TARBP2: variants seen among roughly 807,000 people sequenced by gnomAD.
TARBP2 encodes RISC-loading complex subunit TARBP2.
TARBP2 carries 23 observed loss-of-function variants against 40.4 expected under a neutral mutation model. That is an observed-to-expected ratio of 0.57 (90% CI 0.41 to 0.81). TARBP2 has a LOEUF of 0.81. TARBP2 is among the 30% of genes least tolerant of loss of function. The probability of loss-of-function intolerance (pLI) is 0.00; values close to 1 mark genes in which losing one functional copy is unlikely to be tolerated. For synonymous variants in TARBP2, 183 were observed against 190.5 expected, an observed-to-expected ratio of 0.96 and a Z score of 0.32; for missense variants, 358 against 473.7, an observed-to-expected ratio of 0.76 and a Z score of 2.27.
chr12:53,505,570 C>T lies in TARBP2; in HGVS notation c.742-79C>T. ...GAGGAAGCATTCTTTGTGCTTTGTT[C>T]TCCTTTGACGTTGAATGTCTCAATG... On this transcript the variant is annotated intron_variant, in intron 7 of 8. Transcript: ENST00000266987. This position sits in a 1 kb window ranked among gnomAD's most constrained non-coding sequence, Gnocchi z 4.5. The T allele has an allele frequency of 1.4e-6, 2 of 1,411,994 alleles. No individual in the cohort carries two copies. Among genetic ancestry groups the T allele is most frequent in the Non-Finnish European group, 2.0e-6 (2 of 1,007,116 alleles). 87.5% of individuals were successfully genotyped at this position (1,411,994 alleles called of 1,614,324 possible). A position where few individuals can be genotyped will look rare whatever the true frequency, so the allele number is the denominator to read the frequency against.
In TARBP2 at chr12:53,501,980, G is replaced by A. The variant is rs749342227; in HGVS notation, c.54-35G>A. On this transcript the variant is annotated intron_variant, in intron 1 of 8. Transcript: ENST00000266987. ...GCTTGGCTAGGTGGGTGCAGAGAGG[G>A]GAGGTGTGATGTGGGTCTGTGCCCC... The A allele has an allele frequency of 3.7e-6, 6 of 1,612,050 alleles. No individual in the cohort carries two copies. The South Asian group carries it at 5.5e-5, about 15-fold the overall frequency.
chr12:53,501,842 C>A, intron 1 of TARBP2, 173 bp from the exon 2 acceptor site: 1 of 1,305,276 alleles, frequency 7.7e-7, no homozygotes, highest in Non-Finnish European at 1.0e-6. Context: ...GGGTAGTGGG[C>A]CCTACTTTTC....
intron 1 of TARBP2, 30 bp downstream of exon 1, chr12:53,501,491 G>A (rs1028055493): frequency 1.9e-6 from 3 of 1,556,596 alleles, no homozygotes; most frequent in Non-Finnish European, 2.6e-6. Context: ...TTCCTTCAGG[G>A]CGAAAAGCGT....
At position 53,505,581 on chromosome 12, in the gene TARBP2, T is replaced by C; in HGVS notation, c.742-68T>C. 2 of 1,475,776 alleles carry C rather than the reference T, an allele frequency of 1.4e-6. No individual in the cohort carries two copies. The highest frequency in any genetic ancestry group is 1.9e-6 in the Non-Finnish European group (2 of 1,058,876). The allele number at this position is 1,475,776 out of a possible 1,614,324, so 91.4% of individuals were successfully genotyped here. A position where few individuals can be genotyped will look rare whatever the true frequency, so the allele number is the denominator to read the frequency against. On this transcript the variant is annotated intron_variant, in intron 7 of 8. Transcript: ENST00000266987. The surrounding 1 kb of genome is among the most constrained non-coding windows in gnomAD (Gnocchi z 4.5). Reference sequence around the variant, plus strand: ...CTTTGTGCTTTGTTCTCCTTTGACGTTGAATGTCTCAATGCCTGGGTCCCA... The same window carrying C: ...CTTTGTGCTTTGTTCTCCTTTGACGCTGAATGTCTCAATGCCTGGGTCCCA...
At position 53,505,771 on chromosome 12, in the gene TARBP2, T is replaced by C. The variant is rs557863636; in HGVS notation, c.864T>C (p.Gly288=). ...SLRSCSLGSL[G]ALGPACCRVL... ...GCAGTTGCTCCCTGGGCTCCCTGGG[T>C]GCCCTGGGCCCTGCCTGCTGCCGTG... Residue 288 remains glycine (G), a synonymous_variant, in exon 8 of 9, where the codon GGT becomes GGC. Transcript: ENST00000266987. This position sits in a 1 kb window ranked among gnomAD's most constrained non-coding sequence, Gnocchi z 4.5. 4 of 1,613,840 alleles carry C rather than the reference T, an allele frequency of 2.5e-6. No homozygotes were observed. Among genetic ancestry groups the C allele is most frequent in the South Asian group, 2.2e-5 (2 of 91,072 alleles).
intron 4 of TARBP2, 161 bp from the exon 5 acceptor site, chr12:53,504,236 G>A: frequency 1.5e-6 from 1 of 659,832 alleles, no homozygotes; most frequent in Non-Finnish European, 2.5e-6. Flanking sequence ...AAGCCGGCTA[G>A]AGCAGGAGGA....
chr12:53,503,174 A>C, intron 3 of TARBP2, 45 bp downstream of exon 3: 1 of 1,515,168 alleles, frequency 6.6e-7, no homozygotes, highest in South Asian at 1.3e-5. Flanking sequence ...CAAGGAACCC[A>C]GGCCCTGCAC....
At position 53,503,768 on chromosome 12, in the gene TARBP2, G is replaced by A; in HGVS notation, c.382G>A (p.Ala128Thr). 6.2e-7 allele frequency: 1 copy of A among 1,614,138 alleles called. No individual in the cohort carries two copies. The highest frequency in any genetic ancestry group is 1.1e-5 in the South Asian group (1 of 91,080). The change falls in exon 4 of 9, where the codon GCA (alanine) becomes ACA (threonine). Residue 128 changes from alanine (A) to threonine (T), a missense_variant. Ala to Thr is a moderately conservative substitution (Grantham distance 58). Transcript: ENST00000266987. ...LPEDIPVFTAAAAATPVPSVV... is the reference protein window; with the variant it reads ...LPEDIPVFTATAAATPVPSVV... ...TGAGGACATTCCGGTTTTTACTGCT[G>A]CAGCAGCTGCTACCCCAGTTCCATC...
At chr12:53,503,873 T>G (rs1279822768) in intron 4 of TARBP2, 65 bp downstream of exon 4, 1 of 1,225,928 alleles carries the variant, frequency 8.2e-7, no homozygotes, top group Non-Finnish European at 1.2e-6. Flanking sequence ...GGTCCCTCAG[T>G]CCTTGGACCC....
rs1329118435 is a variant in TARBP2 at position 53,504,406 on chromosome 12, C to G, written c.432C>G (p.Pro144=). ...VPSVVLTRSP[P]MELQPPVSPQ... ...GTGCCTTTTCCTTCAGGAGCCCCCC[C>G]ATGGAACTGCAGCCCCCTGTCTCCC... The change falls in exon 5 of 9, where the codon CCC becomes CCG. Residue 144 remains proline, a synonymous_variant. Coordinates refer to ENST00000266987, the MANE Select transcript of TARBP2 (RefSeq NM_134323.2). 2 of 1,574,826 alleles carry G rather than the reference C, an allele frequency of 1.3e-6. No individual in the cohort carries two copies. The highest frequency in any genetic ancestry group is 1.2e-5 in the South Asian group (1 of 83,962).
chr12:53,504,257 T>A, intron 4 of TARBP2, 140 bp from the exon 5 acceptor site: 2 of 761,108 alleles, frequency 2.6e-6, no homozygotes, highest in East Asian at 2.8e-5. Flanking sequence ...GCAGGCTAGA[T>A]GTGTGGACAG....
chr12:53,503,339 G>C, intron 3 of TARBP2: 3 of 1,189,018 alleles, frequency 2.5e-6, no homozygotes, highest in Non-Finnish European at 3.4e-6. Context: ...CCATAGAGGG[G>C]TTGTGGCAGT....
intron 3 of TARBP2, chr12:53,503,447 C>A (rs1030154927): frequency 8.6e-6 from 5 of 581,318 alleles, no homozygotes; most frequent in Non-Finnish European, 1.5e-5. Context: ...GATGTCCTTC[C>A]TTCACGCGCA....
At position 53,504,451 on chromosome 12, in the gene TARBP2, C is replaced by T; in HGVS notation, c.477C>T (p.Asn159=). ...TCTCCCCTCAGCAGTCTGAGTGCAA[C>T]CCCGTTGGTGCTCTGCAGGTGTGTC... The part of the protein sequence containing the change: ...PPVSPQQSEC[N]PVGALQELVV... Residue 159 remains asparagine, a synonymous_variant, in exon 5 of 9, where the codon AAC becomes AAT. Coordinates refer to ENST00000266987, the MANE Select transcript of TARBP2 (RefSeq NM_134323.2). The T allele has an allele frequency of 6.2e-7, 1 of 1,613,324 alleles. No homozygotes were observed. The highest frequency in any genetic ancestry group is 1.1e-5 in the South Asian group (1 of 91,002).
chr12:53,501,789 C>T, intron 1 of TARBP2: 2 of 1,356,988 alleles, frequency 1.5e-6, no homozygotes, highest in South Asian at 1.5e-5. Flanking sequence ...TCGTGCCCAC[C>T]TTAACTGAGG....
chr12:53,505,275 T>C lies in TARBP2; in HGVS notation c.741+13T>C, dbSNP rs1400426960. 1 of 1,579,620 alleles carries C rather than the reference T, an allele frequency of 6.3e-7. No homozygotes were observed. ...CCACTTCTCCATTGTGAGTGGCTCA[T>C]GTGGGCCGGGCACCGTGGCCCATCC... On this transcript the variant is annotated intron_variant, in intron 7 of 8. Transcript: ENST00000266987. This position sits in a 1 kb window ranked among gnomAD's most constrained non-coding sequence, Gnocchi z 4.5.
At chr12:53,504,845 T>C (rs1943895148) in intron 6 of TARBP2, 30 bp downstream of exon 6, 1 of 1,610,244 alleles carries the variant, frequency 6.2e-7, no homozygotes, top group African/African-American at 1.3e-5. Flanking sequence ...TTCTCACAAC[T>C]CCTCTCCCGC....
chr12:53,503,970 G>T (rs577073036), intron 4 of TARBP2, 162 bp downstream of exon 4: 1 of 636,978 alleles, frequency 1.6e-6, no homozygotes, highest in African/African-American at 1.8e-5. Context: ...CAGCTGGTAA[G>T]CTCTTGGGAC....
intron 1 of TARBP2, 58 bp downstream of exon 1, chr12:53,501,519 G>A (rs1943705117): frequency 5.2e-6 from 8 of 1,548,932 alleles, no homozygotes; most frequent in African/African-American, 1.4e-5. Flanking sequence ...TGCGGAGGGA[G>A]TAGCGGCGCG....
Sources: allele counts gnomAD v4.1 joint callset, GRCh38; gene constraint gnomAD v4.1.1; non-coding constraint Gnocchi (gnomAD v3.1); transcripts MANE v1.5; gene names NCBI Gene and HGNC (gene_info 2026-07-23, HGNC 2026-07-21).